MAP1B: variants seen among roughly 807,000 people sequenced by gnomAD.
MAP1B encodes the protein microtubule associated protein 1B.
MAP1B carries 12 observed loss-of-function variants against 176.1 expected under a neutral mutation model. The observed-to-expected ratio is 0.07, with a 90% confidence interval of 0.04 to 0.11. The LOEUF (loss-of-function observed/expected upper bound fraction) is 0.11, where lower values mean the gene tolerates loss of function less well. Among genes scored for constraint, MAP1B ranks in the 10% least tolerant of loss-of-function variants. The probability of loss-of-function intolerance (pLI) is 1.00; values close to 1 mark genes in which losing one functional copy is unlikely to be tolerated. For synonymous variants in MAP1B, 1,044 were observed against 1,135.0 expected (o/e 0.92, Z 1.61); for missense variants, 2,523 against 2,990.5 (o/e 0.84, Z 3.65).
At chr5:72,184,632 T>C (rs1364728621) in intron 3 of MAP1B, among the ~76,000 whole-genome samples, 1 of 152,184 alleles carries the variant, frequency 6.6e-6, no homozygotes, top group Non-Finnish European at 1.5e-5. Flanking sequence ...GAGTCCCTGG[T>C]CACCCAGGCC....
chr5:72,123,497 T>G (rs1161551337), intron 2 of MAP1B, among the ~76,000 whole-genome samples: 1 of 151,420 alleles, frequency 6.6e-6, no homozygotes, highest in East Asian at 1.9e-4. Context: ...TTTTTAGTTT[T>G]TTTTGAAGAT....
At position 72,198,904 on chromosome 5, in the gene MAP1B, A is replaced by G; in HGVS notation, c.5549A>G (p.Asp1850Gly). The stretch of plus-strand genomic sequence containing the variant: ...CAACACCATCTAGCCTTGAATAGAG[A>G]TTTGTCCACACCTGGCCTGGAGAAG... The part of the protein sequence containing the change: ...TMQHHLALNR[D>G]LSTPGLEKDS... The change falls in exon 5 of 7, where the codon GAT (aspartate) becomes GGT (glycine). Residue 1850 changes from aspartate (D) to glycine (G), a missense_variant. By Grantham distance (94) the Asp-to-Gly change is moderately conservative (BLOSUM62 -1). Transcript: ENST00000296755. 1 of 1,614,162 alleles carries G rather than the reference A, an allele frequency of 6.2e-7. No individual in the cohort carries two copies. The highest frequency in any genetic ancestry group is 1.1e-5 in the South Asian group (1 of 91,080).
rs187793218 is a variant in MAP1B at position 72,167,910 on chromosome 5, A to G, written c.287-15833A>G. Among the ~76,000 whole-genome samples the G allele has an allele frequency of 1.4e-4, 22 of 152,368 alleles. 1 individual carries two copies. The East Asian group carries it at 4.0e-3, about 28-fold the overall frequency. ...TATTTTTCAGAACGATGTAGATAAC[A>G]CATTAAGGCATCATCTTCTGTCATT... On this transcript the variant is annotated intron_variant, in intron 2 of 6. Coordinates refer to ENST00000296755, the MANE Select transcript of MAP1B (RefSeq NM_005909.5).
intron 2 of MAP1B, among the ~76,000 whole-genome samples, chr5:72,124,808 C>T (rs1224399347): frequency 2.6e-5 from 4 of 152,194 alleles, no homozygotes; most frequent in African/African-American, 7.2e-5. Context: ...GTGGATAGTG[C>T]GAGGAAGGAA....
rs753217832 is a variant in MAP1B, at chr5:72,199,814, A to G, written c.6459A>G (p.Ser2153=). 6 of 1,614,154 alleles carry G rather than the reference A, an allele frequency of 3.7e-6. No homozygotes were observed. In the East Asian group the frequency reaches 1.3e-4, roughly 36 times the overall value. Residue 2153 remains serine, a synonymous_variant, in exon 5 of 7, where the codon TCA becomes TCG. Coordinates refer to ENST00000296755, the MANE Select transcript of MAP1B (RefSeq NM_005909.5). The surrounding 1 kb of genome is among the most constrained non-coding windows in gnomAD (Gnocchi z 4.2). Reference sequence around the variant, plus strand: ...CCCCTCCCACCTCAGTCAGCGAGTCAGCCCCATCCCAGACCGACTCTGATG... The same window carrying G: ...CCCCTCCCACCTCAGTCAGCGAGTCGGCCCCATCCCAGACCGACTCTGATG... ...DETPPTSVSE[S]APSQTDSDVP...
chr5:72,151,431 T>C (rs1311403926), intron 2 of MAP1B, among the ~76,000 whole-genome samples: 3 of 152,160 alleles, frequency 2.0e-5, no homozygotes, highest in Non-Finnish European at 2.9e-5. Flanking sequence ...AGTGGGGAAG[T>C]CATTGATCAT....
In MAP1B at chr5:72,196,420, A is replaced by G; in HGVS notation, c.3065A>G (p.Glu1022Gly). ...EAEQSEEEADEEDKAEDAREE... is the reference protein window; with the variant it reads ...EAEQSEEEADGEDKAEDAREE... ...GAACAATCTGAAGAGGAGGCTGATG[A>G]GGAGGACAAAGCTGAAGATGCCAGA... Residue 1022 changes from glutamate (E) to glycine (G), a missense_variant, in exon 5 of 7, where the codon GAG becomes GGG. Physicochemically the swap from Glu to Gly is moderately conservative, Grantham distance 98. Around this residue, in one of 4 missense-constraint regions of MAP1B, gnomAD observed 1,925 missense variants for 2,126.0 expected, o/e 0.91. Transcript: ENST00000296755. This position sits in a 1 kb window ranked among gnomAD's most constrained non-coding sequence, Gnocchi z 5.3. 1 of 1,613,658 alleles carries G rather than the reference A, an allele frequency of 6.2e-7. No individual in the cohort carries two copies. The highest frequency in any genetic ancestry group is 8.5e-7 in the Non-Finnish European group (1 of 1,179,732).
At position 72,197,088 on chromosome 5, in the gene MAP1B, G is replaced by C; in HGVS notation, c.3733G>C (p.Ala1245Pro). The C allele has an allele frequency of 6.2e-7, 1 of 1,614,228 alleles. No homozygotes were observed. The highest frequency in any genetic ancestry group is 1.1e-5 in the South Asian group (1 of 91,090). ...TTLDIKDSIS[A>P]VSSEKVSPSK... ...TTTGGACATCAAAGATAGCATCTCAGCTGTTTCAAGTGAAAAGGTCAGCCC... is the reference window on the plus strand; with the variant it reads ...TTTGGACATCAAAGATAGCATCTCACCTGTTTCAAGTGAAAAGGTCAGCCC... The change falls in exon 5 of 7, where the codon GCT (alanine) becomes CCT (proline). Residue 1245 changes from alanine to proline, a missense_variant. By Grantham distance (27) the Ala-to-Pro change is conservative. Transcript: ENST00000296755.
intron 4 of MAP1B, among the ~76,000 whole-genome samples, chr5:72,191,551 A>C (rs916057368): frequency 6.6e-6 from 1 of 152,164 alleles, no homozygotes; most frequent in African/African-American, 2.4e-5. Flanking sequence ...GTGTAGTTCC[A>C]AGGATGTAGG....
intron 2 of MAP1B, among the ~76,000 whole-genome samples, chr5:72,123,342 C>T (rs1222203051): frequency 1.3e-5 from 2 of 152,158 alleles, no homozygotes; most frequent in Non-Finnish European, 1.5e-5. Context: ...TCCCCTCTGT[C>T]ACCCAGGCTG....
intron 3 of MAP1B, among the ~76,000 whole-genome samples, chr5:72,184,079 G>A (rs1746838888): frequency 6.6e-6 from 1 of 152,226 alleles, no homozygotes; most frequent in South Asian, 2.1e-4. Flanking sequence ...AAGGGAGTAT[G>A]AATTTGGGGT....
chr5:72,136,666 G>A (rs1251085309), intron 2 of MAP1B, among the ~76,000 whole-genome samples: 1 of 152,058 alleles, frequency 6.6e-6, no homozygotes, highest in African/African-American at 2.4e-5. Flanking sequence ...CTAATGTTTT[G>A]TACCTTGACT....
rs1211915134 is a variant in MAP1B, at chr5:72,193,752, T to G, written c.511-114T>G. 6.9e-6 allele frequency: 8 copies of G among 1,157,688 alleles called. No individual in the cohort carries two copies. The South Asian group carries it at 1.3e-4, about 19-fold the overall frequency. 71.7% of individuals were successfully genotyped at this position (1,157,688 alleles called of 1,614,324 possible). ...CACTATGAGAGTGCATGTCTGAAAC[T>G]GGTCCTATGTGCATCCTGTGATCCT... On this transcript the variant is annotated intron_variant, in intron 4 of 6. Transcript: ENST00000296755.
At chr5:72,158,069 A>G (rs769244310) in intron 2 of MAP1B, among the ~76,000 whole-genome samples, 50 of 141,940 alleles carry the variant, frequency 3.5e-4, no homozygotes, top group Non-Finnish European at 5.4e-4. Context: ...GTGCAGTGGC[A>G]CGATCTCAGC....
intron 2 of MAP1B, among the ~76,000 whole-genome samples, chr5:72,119,730 A>G (rs540012878): frequency 8.9e-4 from 135 of 152,252 alleles, no homozygotes; most frequent in Middle Eastern, 3.4e-3. Context: ...GCTGATCTCG[A>G]ACTCCTGAGC....
Position 72,197,967 on chromosome 5 carries a change from G to A in MAP1B, c.4612G>A (p.Val1538Ile), listed in dbSNP as rs375302256. 1.4e-4 allele frequency: 221 copies of A among 1,614,090 alleles called. No homozygotes were observed. Among genetic ancestry groups the A allele is most frequent in the Non-Finnish European group, 1.8e-4 (211 of 1,180,048 alleles). Residue 1538 changes from valine to isoleucine, a missense_variant, in exon 5 of 7, where the codon GTA becomes ATA. Coordinates refer to ENST00000296755, the MANE Select transcript of MAP1B (RefSeq NM_005909.5). The stretch of plus-strand genomic sequence containing the variant: ...GTCAGCTACTCCTGTTGATGAGGGC[G>A]TAGCAGAAGACACGTACTCTCATAT... Reference protein sequence around the residue: ...DKSATPVDEGVAEDTYSHMEG... With the variant: ...DKSATPVDEGIAEDTYSHMEG...
At chr5:72,162,312 G>C (rs574151396) in intron 2 of MAP1B, among the ~76,000 whole-genome samples, 2 of 152,224 alleles carry the variant, frequency 1.3e-5, no homozygotes, top group South Asian at 4.2e-4. Flanking sequence ...TGTGACAATT[G>C]AAAGACCTTT....
At chr5:72,179,628 AGAT>A (rs969953183) in intron 2 of MAP1B, 21 of 985,374 alleles carry the variant, frequency 2.1e-5, no homozygotes, top group Non-Finnish European at 2.4e-5. Context: ...AGGCTTGGCC[AGAT>A]GCTGGGGCGG....
chr5:72,204,230 T>C lies in MAP1B; in HGVS notation c.7251+429T>C, dbSNP rs1747393421. On this transcript the variant is annotated intron_variant, in intron 6 of 6. Transcript: ENST00000296755. The surrounding 1 kb of genome is among the most constrained non-coding windows in gnomAD (Gnocchi z 4.4). ...GAATATGGCCATTTAGAAAAACAGC[T>C]CTCCATGTGAAATTCCACAGCAGGA... 1.3e-5 allele frequency among the ~76,000 whole-genome samples: 2 copies of C among 152,064 alleles called. No individual in the cohort carries two copies. The highest frequency in any genetic ancestry group is 4.8e-5 in the African/African-American group (2 of 41,384).
Sources: gnomAD v4.1 joint callset for allele counts (sites outside exome capture counted in the v4.1 genomes callset) on GRCh38, gnomAD v4.1.1 for gene constraint, gnomAD v4.1.1 regional missense constraint, Gnocchi (gnomAD v3.1) non-coding constraint, MANE v1.5 for transcripts, NCBI Gene and HGNC (gene_info 2026-07-23, HGNC 2026-07-21) for gene names.